Variants in LY96 observed in about 807,000 individuals in gnomAD.
The protein encoded by LY96 is lymphocyte antigen 96, also known as myeloid differentiation protein-2.
In LY96, 18 loss-of-function variants were observed where a neutral mutation model predicts 18.9. The observed-to-expected ratio is 0.95, with a 90% CI of 0.66 to 1.41. The LOEUF is 1.41. Among genes scored for constraint, LY96 ranks in the 40% most tolerant of loss-of-function variants. LY96 has a pLI of 0.00. For missense variants in LY96, 175 were observed against 182.4 expected, an observed-to-expected ratio of 0.96 and a Z score of 0.23; for synonymous variants, 66 against 62.6, an observed-to-expected ratio of 1.06 and a Z score of -0.26.
At chr8:74,034,265 G>A in the LY96 span, among the ~76,000 whole-genome samples, 10 of 151,994 alleles carry the variant, frequency 6.6e-5, no homozygotes, top group South Asian at 2.1e-4. Flanking sequence ...CCAGCTACTC[G>A]GGAGGCTGAG....
At chr8:74,062,346 G>A in the LY96 span, among the ~76,000 whole-genome samples, 2 of 152,148 alleles carry the variant, frequency 1.3e-5, no homozygotes, top group African/African-American at 2.4e-5. Flanking sequence ...ATTCACCTAC[G>A]TATTAAGCCC....
chr8:74,060,575 G>A, the LY96 span, among the ~76,000 whole-genome samples: 1 of 152,190 alleles, frequency 6.6e-6, no homozygotes, highest in Non-Finnish European at 1.5e-5. Flanking sequence ...ATAGGTGTTC[G>A]ATAAATATAT....
intron 3 of LY96, among the ~76,000 whole-genome samples, chr8:74,024,431 T>C (rs1321871684): frequency 6.6e-6 from 1 of 151,742 alleles, no homozygotes; most frequent in Admixed American, 6.6e-5. Context: ...AAGATGCCAT[T>C]GGAAGGAGGG....
the LY96 span, among the ~76,000 whole-genome samples, chr8:74,071,867 T>C: frequency 6.6e-5 from 10 of 152,216 alleles, no homozygotes; most frequent in Non-Finnish European, 1.5e-4. Context: ...CTCTGCAATA[T>C]CGTGTTGCAT....
At chr8:74,039,371 A>G in the LY96 span, among the ~76,000 whole-genome samples, 5 of 152,026 alleles carry the variant, frequency 3.3e-5, no homozygotes, top group East Asian at 7.7e-4. Context: ...ACTTGATGTG[A>G]TCCTATGTAG....
At chr8:74,004,075 G>A (rs1192972905) in intron 1 of LY96, among the ~76,000 whole-genome samples, 3 of 152,312 alleles carry the variant, frequency 2.0e-5, no homozygotes, top group East Asian at 3.9e-4. Context: ...AGACCTGTCA[G>A]AACTCTAGGA....
At chr8:73,996,372 C>CATTTATTTCTTTCTTT (rs756373007) in intron 1 of LY96, among the ~76,000 whole-genome samples, 8 of 110,910 alleles carry the variant, frequency 7.2e-5, no homozygotes, top group Non-Finnish European at 1.3e-4. Flanking sequence ...TTCCTTCATT[C>CATTTATTTCTTTCTTT]CTTTCTTTCT....
chr8:74,068,081 A>ATATATATATATATATATATATATATATAT, the LY96 span, among the ~76,000 whole-genome samples: 1 of 95,362 alleles, frequency 1.0e-5, no homozygotes, highest in African/African-American at 6.9e-5. Context: ...AAAAAAAAAA[A>ATATATATATATATATATATATATATATAT]AAAAAAAAAT....
chr8:74,070,145 G>C, the LY96 span, among the ~76,000 whole-genome samples: 1 of 151,210 alleles, frequency 6.6e-6, no homozygotes, highest in Non-Finnish European at 1.5e-5. Flanking sequence ...AGGCTAGAGT[G>C]CAGTGGCGCG....
At chr8:73,999,108 C>T (rs11781740) in intron 1 of LY96, among the ~76,000 whole-genome samples, 37,838 of 151,416 alleles carry the variant, frequency 0.25, 5,036 homozygotes, top group South Asian at 0.3. Context: ...GTAGCTGGGA[C>T]GACAGGCACC....
the LY96 span, among the ~76,000 whole-genome samples, chr8:74,061,220 G>A: frequency 4.6e-5 from 7 of 152,184 alleles, no homozygotes; most frequent in African/African-American, 1.7e-4. Context: ...GGTTTTAGGA[G>A]GTGGGGCCTT....
the LY96 span, among the ~76,000 whole-genome samples, chr8:74,088,142 A>ATAGAATAGAG: frequency 6.6e-6 from 1 of 150,552 alleles, no homozygotes; most frequent in Non-Finnish European, 1.5e-5. Context: ...ATAGAATAGA[A>ATAGAATAGAG]TAGAATAGAA....
the LY96 span, among the ~76,000 whole-genome samples, chr8:74,092,004 C>G: frequency 6.6e-6 from 1 of 152,098 alleles, no homozygotes; most frequent in Non-Finnish European, 1.5e-5. Flanking sequence ...TAGAATAAGC[C>G]CCCTTCCTTT....
At chr8:74,041,709 C>A in the LY96 span, among the ~76,000 whole-genome samples, 2 of 152,198 alleles carry the variant, frequency 1.3e-5, no homozygotes, top group South Asian at 2.1e-4. Flanking sequence ...TGGGGAAACC[C>A]CCCCCACCAC....
chr8:74,054,676 T>TTTC, the LY96 span, among the ~76,000 whole-genome samples: 25 of 65,346 alleles, frequency 3.8e-4, no homozygotes, highest in East Asian at 8.7e-3. Context: ...TTCTTTCTTT[T>TTTC]TATTTGAGAT....
intron 2 of LY96, among the ~76,000 whole-genome samples, chr8:74,006,186 TTC>T (rs967619303): frequency 6.6e-6 from 1 of 151,954 alleles, no homozygotes; most frequent in South Asian, 2.1e-4. Flanking sequence ...TGATAAGATA[TTC>T]TCTCTCTCTC....
At chr8:74,091,378 A>G in the LY96 span, among the ~76,000 whole-genome samples, 259 of 152,316 alleles carry the variant, frequency 1.7e-3, 7 homozygotes, top group South Asian at 0.042. Flanking sequence ...TCGTTCTTAC[A>G]GATTAAATCC....
the LY96 span, among the ~76,000 whole-genome samples, chr8:74,057,818 C>T: frequency 0.014 from 2,155 of 152,288 alleles, 83 homozygotes; most frequent in Admixed American, 0.077. Context: ...CCTTACCTTA[C>T]GTTTTATTCT....
At chr8:73,991,694 A>G in intron 1 of LY96, 140 bp downstream of exon 1, 1 of 639,298 alleles carries the variant, frequency 1.6e-6, no homozygotes, top group South Asian at 1.6e-5. Context: ...GCCAGCAGGA[A>G]AAGCAATAGC....
Sources: gnomAD v4.1 joint callset for allele counts (sites outside exome capture counted in the v4.1 genomes callset) on GRCh38, gnomAD v4.1.1 for gene constraint, MANE v1.5 for transcripts, NCBI Gene and HGNC (gene_info 2026-07-23, HGNC 2026-07-21) for gene names.